The following CAPN7 variants were observed in gnomAD, a reference collection of about 807,000 sequenced individuals.
CAPN7 encodes calpain 7.
A neutral mutation model predicts 115.2 loss-of-function variants in CAPN7; 72 were observed. That is an observed-to-expected ratio of 0.63 (90% confidence interval 0.52 to 0.76). The LOEUF is 0.76. Among genes scored for constraint, CAPN7 ranks in the 30% least tolerant of loss-of-function variants. The pLI is 0.00. For missense variants in CAPN7, 905 were observed against 971.5 expected (o/e 0.93, Z 0.91); for synonymous variants, 344 against 322.3 (o/e 1.07, Z -0.72).
chr3:15,245,819 T>G (rs1211923638), intron 17 of CAPN7, 148 bp downstream of exon 17: 3 of 546,426 alleles, frequency 5.5e-6, no homozygotes, highest in Non-Finnish European at 9.0e-6. Flanking sequence ...AATAGTAAAT[T>G]ATACTTTCTG....
intron 1 of CAPN7, among the ~76,000 whole-genome samples, chr3:15,208,989 T>A (rs1277935467): frequency 1.3e-5 from 2 of 152,200 alleles, no homozygotes; most frequent in Non-Finnish European, 2.9e-5. Context: ...GATTAATATT[T>A]TGTTGCTTTC....
intron 11 of CAPN7, among the ~76,000 whole-genome samples, chr3:15,234,469 C>G (rs982557090): frequency 6.6e-6 from 1 of 151,990 alleles, no homozygotes; most frequent in Non-Finnish European, 1.5e-5. Flanking sequence ...AGTTATCTTC[C>G]CTTAATAGTT....
At chr3:15,232,492 A>T (rs1221826812) in intron 9 of CAPN7, 27 bp from the exon 10 acceptor site, 4 of 1,573,178 alleles carry the variant, frequency 2.5e-6, no homozygotes, top group Non-Finnish European at 3.4e-6. Context: ...TTGTGCACCT[A>T]AGAAGGTTAA....
chr3:15,227,403 C>T (rs1575195942), intron 6 of CAPN7, among the ~76,000 whole-genome samples: 1 of 152,142 alleles, frequency 6.6e-6, no homozygotes. Flanking sequence ...TGATGCCTGG[C>T]ACATGGTTAG....
chr3:15,247,447 C>G lies in CAPN7; in HGVS notation c.2194C>G (p.Arg732Gly), dbSNP rs748436352. Residue 732 changes from arginine (R) to glycine (G), a missense_variant, in exon 19 of 21, where the codon CGA becomes GGA. By Grantham distance (125) the Arg-to-Gly change is moderately radical (BLOSUM62 -2). Transcript: ENST00000253693. ...GACTGGGCCGTTACTGATTGAGCTA[C>G]GAGGACCAAGGTTTGTGATGAGTAA... ...EKTGPLLIEL[R>G]GPRQYSVGFE... is the part of the protein sequence containing the mutation. 1.3e-6 allele frequency: 2 copies of G among 1,598,132 alleles called. No individual in the cohort carries two copies. Among genetic ancestry groups the G allele is most frequent in the Admixed American group, 1.8e-5 (1 of 55,958 alleles).
intron 9 of CAPN7, chr3:15,232,041 C>A (rs1694723281): frequency 3.5e-6 from 1 of 284,008 alleles, no homozygotes; most frequent in Non-Finnish European, 6.8e-6. Context: ...TTGAGTATCC[C>A]TTATCCGAAA....
intron 15 of CAPN7, 102 bp from the exon 16 acceptor site, chr3:15,242,076 T>A: frequency 1.4e-6 from 1 of 734,194 alleles, no homozygotes. Context: ...TTAGAGATTT[T>A]TTGTGGAGAG....
chr3:15,232,516 C>G lies in CAPN7; in HGVS notation c.1033-3C>G. 1 of 1,594,378 alleles carries G rather than the reference C, an allele frequency of 6.3e-7. No individual in the cohort carries two copies. The highest frequency in any genetic ancestry group is 8.5e-7 in the Non-Finnish European group (1 of 1,172,934). ...TAAGAAGGTTAATGTTCTCTTTCTCCAGGTGATAATTGATGACCAGTTACC... is the reference window on the plus strand; with the variant it reads ...TAAGAAGGTTAATGTTCTCTTTCTCGAGGTGATAATTGATGACCAGTTACC... On this transcript the variant is annotated splice_region_variant and splice_polypyrimidine_tract_variant and intron_variant, in intron 9 of 20. Coordinates refer to ENST00000253693, the MANE Select transcript of CAPN7 (RefSeq NM_014296.3).
intron 10 of CAPN7, among the ~76,000 whole-genome samples, chr3:15,233,081 A>G (rs140477953): frequency 8.5e-5 from 13 of 152,358 alleles, no homozygotes; most frequent in African/African-American, 2.9e-4. Flanking sequence ...GACTTGAGCC[A>G]GAAAGAAATT....
chr3:15,212,277 A>G, intron 2 of CAPN7, 65 bp downstream of exon 2: 4 of 847,298 alleles, frequency 4.7e-6, no homozygotes, highest in Non-Finnish European at 7.4e-6. Flanking sequence ...TCTTTCCCCC[A>G]TGTTTGTTTC....
Position 15,235,008 on chromosome 3 carries a change from T to C in CAPN7, c.1287-17T>C. On this transcript the variant is annotated splice_polypyrimidine_tract_variant and intron_variant, in intron 11 of 20. Transcript: ENST00000253693. Reference sequence around the variant, plus strand: ...ATGTGTTTTACTTTAATTAATTGTCTTTGGGGTTCATTCCAGATTTCACAA... The same window carrying C: ...ATGTGTTTTACTTTAATTAATTGTCCTTGGGGTTCATTCCAGATTTCACAA... The C allele has an allele frequency of 6.3e-7, 1 of 1,596,830 alleles. No individual in the cohort carries two copies. The highest frequency in any genetic ancestry group is 8.5e-7 in the Non-Finnish European group (1 of 1,173,770).
chr3:15,243,669 A>G lies in CAPN7; in HGVS notation c.1864+1416A>G, dbSNP rs147681535. ...CAAGAGAAAAAGAAAGGACAGTTCC[A>G]TCTATTGATGTTTGAGAAATCAAAT... is the stretch of plus-strand genomic sequence containing the variant. On this transcript the variant is annotated intron_variant, in intron 16 of 20. Coordinates refer to ENST00000253693, the MANE Select transcript of CAPN7 (RefSeq NM_014296.3). Among the ~76,000 whole-genome samples, 415 of 152,316 alleles carry G rather than the reference A, an allele frequency of 2.7e-3. 6 individuals are homozygous for G. Among genetic ancestry groups the G allele is most frequent in the African/African-American group, 9.5e-3 (395 of 41,570 alleles).
rs767249414 is a variant in CAPN7, at chr3:15,247,415, T to C, written c.2162T>C (p.Ile721Thr). ...HKNNPIYQFH[I>T]EKTGPLLIEL... is the part of the protein sequence containing the mutation. ...AATAACCCCATCTACCAATTCCATATAGAAAAGACTGGGCCGTTACTGATT... is the reference window on the plus strand; with the variant it reads ...AATAACCCCATCTACCAATTCCATACAGAAAAGACTGGGCCGTTACTGATT... The change falls in exon 19 of 21, where the codon ATA becomes ACA. Residue 721 changes from isoleucine (I) to threonine (T), a missense_variant. Physicochemically the swap from Ile to Thr is moderately conservative, Grantham distance 89. Around this residue, in one of 3 missense-constraint regions of CAPN7, gnomAD observed 620 missense variants for 703.4 expected, o/e 0.88. Transcript: ENST00000253693. 10 of 1,611,882 alleles carry C rather than the reference T, an allele frequency of 6.2e-6. No individual in the cohort carries two copies. The highest frequency in any genetic ancestry group is 8.5e-6 in the Non-Finnish European group (10 of 1,179,060).
At position 15,251,055 on chromosome 3, in the gene CAPN7, ATACTT is replaced by A. The variant is rs748366727; in HGVS notation, c.2297+39_2297+43del. The A allele has an allele frequency of 6.9e-6, 11 of 1,597,754 alleles. No homozygotes were observed. In the African/African-American group the frequency reaches 8.1e-5, roughly 12 times the overall value. On this transcript the variant is annotated intron_variant, in intron 20 of 20. Coordinates refer to ENST00000253693, the MANE Select transcript of CAPN7 (RefSeq NM_014296.3). ...TTGGCATTTTTATTGTATCTATTTT[ATACTT>A]TACTTTTTGTGGCATCATCTTCTAT...
intron 10 of CAPN7, 119 bp downstream of exon 10, chr3:15,232,784 C>A: frequency 2.5e-6 from 2 of 799,210 alleles, no homozygotes; most frequent in East Asian, 2.9e-5. Context: ...ATTATCAACC[C>A]CTGAAACAGG....
At position 15,242,268 on chromosome 3, in the gene CAPN7, C is replaced by G; in HGVS notation, c.1864+15C>G. On this transcript the variant is annotated intron_variant, in intron 16 of 20. Transcript: ENST00000253693. ...TTATTACCCAGGTATGTTTAGTAGC[C>G]CAGCAAACATTAAAATAAACATACA... is the stretch of plus-strand genomic sequence containing the variant. 6.8e-7 allele frequency: 1 copy of G among 1,470,184 alleles called. No individual in the cohort carries two copies. The highest frequency in any genetic ancestry group is 1.2e-5 in the South Asian group (1 of 80,924). The allele number at this position is 1,470,184 out of a possible 1,614,324, so 91.1% of individuals were successfully genotyped here.
rs1434656138 is a variant in CAPN7, at chr3:15,206,491, G to A, written c.-5G>A. 1 of 1,544,116 alleles carries A rather than the reference G, an allele frequency of 6.5e-7. No individual in the cohort carries two copies. The highest frequency in any genetic ancestry group is 8.7e-7 in the Non-Finnish European group (1 of 1,144,756). The stretch of plus-strand genomic sequence containing the variant: ...TTCCCTGCCCCGGCGCGGGGCCACT[G>A]CGCCATGGACGCCACAGCACTGGAG... On this transcript the variant is annotated 5_prime_UTR_variant, in exon 1 of 21. Transcript: ENST00000253693.
At chr3:15,234,054 G>T in intron 11 of CAPN7, 81 bp downstream of exon 11, 1 of 750,700 alleles carries the variant, frequency 1.3e-6, no homozygotes, top group Non-Finnish European at 2.3e-6. Context: ...GGTGGGTCAT[G>T]CCTGTAATCC....
intron 4 of CAPN7, 130 bp downstream of exon 4, chr3:15,218,670 C>A (rs943688916): frequency 4.9e-5 from 34 of 688,704 alleles, no homozygotes; most frequent in Middle Eastern, 2.5e-4. Flanking sequence ...AACAAATCTA[C>A]TTTCTACTTC....
Sources: allele counts gnomAD v4.1 joint callset (sites outside exome capture counted in the v4.1 genomes callset), GRCh38; gene constraint gnomAD v4.1.1; regional missense constraint gnomAD v4.1.1; transcripts MANE v1.5; gene names NCBI Gene and HGNC (gene_info 2026-07-23, HGNC 2026-07-21).